EDDM13: variants seen among roughly 807,000 people sequenced by gnomAD.
EDDM13 encodes the protein epididymal protein 13.
A neutral mutation model predicts 17.8 loss-of-function variants in EDDM13; 24 were observed. That is an observed-to-expected ratio of 1.35 (90% confidence interval 0.98 to 1.90). The LOEUF (loss-of-function observed/expected upper bound fraction) is 1.90, where lower values mean the gene tolerates loss of function less well. EDDM13 is among the 40% of genes most tolerant of loss of function. The probability of loss-of-function intolerance (pLI) is 0.00; values close to 1 mark genes in which losing one functional copy is unlikely to be tolerated. For missense variants in EDDM13, 97 were observed against 100.8 expected (o/e 0.96, Z 0.16); for synonymous variants, 31 against 37.5 (o/e 0.83, Z 0.63).
Position 56,289,836 on chromosome 19 carries a change from A to T in EDDM13, c.226+945A>T, listed in dbSNP as rs537992227. 2.0e-5 allele frequency among the ~76,000 whole-genome samples: 3 copies of T among 150,970 alleles called. No individual in the cohort carries two copies. In the East Asian group the frequency reaches 5.9e-4, roughly 29 times the overall value. ...ACCATGTTGCTCAGGCTGATCTTGA[A>T]CTCTTGGGCTCAAGCAATCTTCCCA... On this transcript the variant is annotated intron_variant, in intron 8 of 14. Coordinates refer to ENST00000649256, the MANE Select transcript of EDDM13 (RefSeq NM_001354658.2).
rs375591326 is a variant in EDDM13, at chr19:56,308,252, T to C, written c.462-1872T>C. On this transcript the variant is annotated intron_variant, in intron 14 of 14. Coordinates refer to ENST00000649256, the MANE Select transcript of EDDM13 (RefSeq NM_001354658.2). ...TTTCACCATGTTGGCCAGGATGGTC[T>C]CGATCTCTTGACCTTGTGATCCGCC... is the stretch of plus-strand genomic sequence containing the variant. 1.1e-3 allele frequency among the ~76,000 whole-genome samples: 167 copies of C among 152,158 alleles called. 3 individuals are homozygous for C. Among genetic ancestry groups the C allele is most frequent in the African/African-American group, 3.8e-3 (157 of 41,514 alleles).
chr19:56,276,288 T>C (rs1462595994), intron 2 of EDDM13, among the ~76,000 whole-genome samples, 179 bp downstream of exon 2: 3 of 152,168 alleles, frequency 2.0e-5, no homozygotes, highest in Non-Finnish European at 2.9e-5. Flanking sequence ...CTTACAGTGA[T>C]GCTCACAACT....
chr19:56,295,524 G>A (rs1249114134), intron 9 of EDDM13, among the ~76,000 whole-genome samples: 1 of 152,006 alleles, frequency 6.6e-6, no homozygotes, highest in East Asian at 1.9e-4. Flanking sequence ...GAACCCGGGA[G>A]GCAGAAGTTG....
chr19:56,276,171 G>A (rs140000620), intron 2 of EDDM13, among the ~76,000 whole-genome samples, 62 bp downstream of exon 2: 41 of 152,212 alleles, frequency 2.7e-4, no homozygotes, highest in South Asian at 1.5e-3. Context: ...AATTCTTTTC[G>A]ATCTTGCAAC....
chr19:56,305,215 T>C (rs2040605327), intron 14 of EDDM13, among the ~76,000 whole-genome samples: 1 of 152,152 alleles, frequency 6.6e-6, no homozygotes, highest in Non-Finnish European at 1.5e-5. Context: ...CTTCTCATCA[T>C]CCTAAAAGGG....
chr19:56,280,547 A>G (rs1265374731), intron 2 of EDDM13: 2 of 152,152 alleles, frequency 1.3e-5, no homozygotes, highest in African/African-American at 4.8e-5. Context: ...TCTAGATATA[A>G]CCACTGTCGT....
At chr19:56,303,503 A>G (rs1400570100) in intron 13 of EDDM13, among the ~76,000 whole-genome samples, 1 of 141,654 alleles carries the variant, frequency 7.1e-6, no homozygotes, top group Non-Finnish European at 1.5e-5. Flanking sequence ...AAAGAAGGAA[A>G]GGAAGGAAAG....
chr19:56,289,891 G>A (rs934937073), intron 8 of EDDM13, among the ~76,000 whole-genome samples: 1 of 152,152 alleles, frequency 6.6e-6, no homozygotes, highest in Non-Finnish European at 1.5e-5. Flanking sequence ...TGGGATTACA[G>A]GCAGGAGCCA....
chr19:56,308,551 T>A (rs1361887868), intron 14 of EDDM13, among the ~76,000 whole-genome samples: 6 of 151,206 alleles, frequency 4.0e-5, no homozygotes, highest in Non-Finnish European at 8.8e-5. Flanking sequence ...CTCGAACTCC[T>A]GACCTCAGGT....
chr19:56,305,136 T>G (rs1439528217), intron 14 of EDDM13, among the ~76,000 whole-genome samples: 1 of 152,192 alleles, frequency 6.6e-6, no homozygotes, highest in Non-Finnish European at 1.5e-5. Context: ...CGACATAAAA[T>G]TAACCATTAG....
At position 56,286,149 on chromosome 19, in the gene EDDM13, G is replaced by A. The variant is rs191771715; in HGVS notation, c.154+1125G>A. 1.5e-3 allele frequency among the ~76,000 whole-genome samples: 227 copies of A among 152,180 alleles called. 4 individuals carry two copies. The South Asian group carries it at 0.034, about 23-fold the overall frequency. On this transcript the variant is annotated intron_variant, in intron 6 of 14. Coordinates refer to ENST00000649256, the MANE Select transcript of EDDM13 (RefSeq NM_001354658.2). ...CGATTCTCCTGCCTCAGCCTCCCGA[G>A]TAGCTGGGACTACAGGCGCCCACCA... is the stretch of plus-strand genomic sequence containing the variant.
chr19:56,288,808 A>G (rs1446655100), intron 7 of EDDM13, among the ~76,000 whole-genome samples, 66 bp from the exon 8 acceptor site: 2 of 152,078 alleles, frequency 1.3e-5, no homozygotes, highest in Non-Finnish European at 2.9e-5. Flanking sequence ...CCGTGTCTTA[A>G]TGTTGATTTC....
intron 9 of EDDM13, among the ~76,000 whole-genome samples, chr19:56,293,267 C>G (rs966838127): frequency 2.6e-5 from 4 of 152,268 alleles, no homozygotes; most frequent in African/African-American, 9.6e-5. Context: ...CAACTGAAAA[C>G]ACTGTGGTAA....
At chr19:56,289,449 G>GT (rs2039365913) in intron 8 of EDDM13, among the ~76,000 whole-genome samples, 1 of 152,130 alleles carries the variant, frequency 6.6e-6, no homozygotes, top group Admixed American at 6.5e-5. Flanking sequence ...GAAGACAGAC[G>GT]TATTTATACT....
chr19:56,273,600 C>G (rs1006953554), intron 1 of EDDM13, among the ~76,000 whole-genome samples: 1 of 152,122 alleles, frequency 6.6e-6, no homozygotes, highest in Admixed American at 6.5e-5. Flanking sequence ...TTAGGAGAGA[C>G]TATTCCAGGC....
intron 8 of EDDM13, among the ~76,000 whole-genome samples, chr19:56,289,777 C>A (rs1247624025): frequency 6.6e-6 from 1 of 152,104 alleles, no homozygotes; most frequent in Non-Finnish European, 1.5e-5. Flanking sequence ...CCATACCCAG[C>A]TAATATTTTA....
chr19:56,294,420 C>G (rs1193871313), intron 9 of EDDM13, among the ~76,000 whole-genome samples: 1 of 152,226 alleles, frequency 6.6e-6, no homozygotes, highest in Non-Finnish European at 1.5e-5. Flanking sequence ...TATTTTCCTA[C>G]CTGATTAATG....
At chr19:56,275,165 C>T (rs1405494008) in intron 1 of EDDM13, among the ~76,000 whole-genome samples, 1 of 152,136 alleles carries the variant, frequency 6.6e-6, no homozygotes, top group East Asian at 1.9e-4. Flanking sequence ...TACTATTTTC[C>T]CCCTTTGTAA....
intron 9 of EDDM13, among the ~76,000 whole-genome samples, chr19:56,291,857 T>C (rs1394203147): frequency 1.3e-5 from 2 of 152,164 alleles, no homozygotes; most frequent in African/African-American, 2.4e-5. Context: ...TGTAATGCCA[T>C]GATGAGGATG....
Sources: allele counts gnomAD v4.1 joint callset (sites outside exome capture counted in the v4.1 genomes callset), GRCh38; gene constraint gnomAD v4.1.1; transcripts MANE v1.5; gene names NCBI Gene and HGNC (gene_info 2026-07-23, HGNC 2026-07-21).